MYCBP2: variants seen among roughly 807,000 people sequenced by gnomAD.
The protein encoded by MYCBP2 is MYC binding protein 2, also known as E3 ubiquitin-protein ligase MYCBP2.
A neutral mutation model predicts 525.3 loss-of-function variants in MYCBP2; 120 were observed. The ratio of observed to expected loss-of-function variants is 0.23; its 90% CI spans 0.20 to 0.27. The LOEUF (loss-of-function observed/expected upper bound fraction) is 0.27, where lower values mean the gene tolerates loss of function less well. Among genes scored for constraint, MYCBP2 ranks in the 10% least tolerant of loss-of-function variants. The pLI is 1.00. For missense variants in MYCBP2, 4,149 were observed against 5,657.1 expected (o/e 0.73, Z 8.55); for synonymous variants, 1,894 against 1,955.8 (o/e 0.97, Z 0.83).
intron 61 of MYCBP2, 184 bp from the exon 62 acceptor site, chr13:77,087,817 G>A: frequency 1.9e-6 from 1 of 536,904 alleles, no homozygotes; most frequent in Non-Finnish European, 3.2e-6. Context: ...GTCTCGCTCT[G>A]TCACCCAGGT....
intron 15 of MYCBP2, among the ~76,000 whole-genome samples, chr13:77,247,291 T>C (rs1169633724): frequency 6.6e-6 from 1 of 152,152 alleles, no homozygotes; most frequent in Non-Finnish European, 1.5e-5. Context: ...CAAAAATCAG[T>C]TGTATTTCTA....
At position 77,180,750 on chromosome 13, in the gene MYCBP2, A is replaced by G. The variant is rs114020406; in HGVS notation, c.4942-432T>C. ...GGCAACATAGTAAGACTTTGTCTCT[A>G]CAAAATGTTTTTTTAAAAAGTTAGC... is the stretch of plus-strand genomic sequence containing the variant. On this transcript the variant is annotated intron_variant, in intron 33 of 82. Coordinates refer to ENST00000544440, the MANE Select transcript of MYCBP2 (RefSeq NM_015057.5). Among the ~76,000 whole-genome samples the G allele has an allele frequency of 8.3e-3, 1,271 of 152,218 alleles. 14 individuals carry two copies. The highest frequency in any genetic ancestry group is 0.029 in the African/African-American group (1,222 of 41,522).
At chr13:77,250,315 G>C (rs2070970842) in intron 15 of MYCBP2, among the ~76,000 whole-genome samples, 2 of 151,864 alleles carry the variant, frequency 1.3e-5, no homozygotes, top group Admixed American at 6.6e-5. Context: ...TATAAACTTA[G>C]AAATAAACTC....
chr13:77,322,947 CA>C (rs2081863687), intron 1 of MYCBP2, among the ~76,000 whole-genome samples: 1 of 152,182 alleles, frequency 6.6e-6, no homozygotes, highest in South Asian at 2.1e-4. Flanking sequence ...CCACATTCTA[CA>C]CAGTCACTGA....
rs759347062 is a variant in MYCBP2, at chr13:77,161,894, T to C, written c.6597+12A>G. ...TGTACAAAGTTTATCCTTAAAACAT[T>C]TGGGACAATACCTGCAATGCAGCCT... On this transcript the variant is annotated intron_variant, in intron 44 of 82. Coordinates refer to ENST00000544440, the MANE Select transcript of MYCBP2 (RefSeq NM_015057.5). 1.8e-5 allele frequency: 29 copies of C among 1,599,310 alleles called. No homozygotes were observed. Among genetic ancestry groups the C allele is most frequent in the Non-Finnish European group, 2.4e-5 (28 of 1,170,264 alleles).
At chr13:77,166,875 A>G (rs866072912) in intron 40 of MYCBP2, among the ~76,000 whole-genome samples, 1 of 152,110 alleles carries the variant, frequency 6.6e-6, no homozygotes, top group Non-Finnish European at 1.5e-5. Context: ...TGTATATCCA[A>G]TGAATGCATA....
intron 35 of MYCBP2, among the ~76,000 whole-genome samples, chr13:77,177,337 T>A: frequency 6.9e-6 from 1 of 145,760 alleles, no homozygotes; most frequent in South Asian, 2.2e-4. Flanking sequence ...TTTCTTTCTT[T>A]TTTTTTTTTT....
chr13:77,199,894 A>T (rs1645234599), intron 26 of MYCBP2, among the ~76,000 whole-genome samples: 1 of 152,184 alleles, frequency 6.6e-6, no homozygotes. Flanking sequence ...CCATCTGTAC[A>T]TCACCATCAT....
rs753847940 is a variant in MYCBP2, at chr13:77,169,716, TAA to T, written c.5795-4_5795-3del. On this transcript the variant is annotated splice_region_variant and splice_polypyrimidine_tract_variant and intron_variant, in intron 38 of 82. Transcript: ENST00000544440. ...TCAGCAGTTCTGGAATGTCATCAGC[TAA>T]AAAAAGGCATAAAAGGCATTAAAAC... 6.2e-7 allele frequency: 1 copy of T among 1,611,954 alleles called. No homozygotes were observed. The highest frequency in any genetic ancestry group is 1.7e-5 in the Admixed American group (1 of 59,830).
rs1431080048 is a variant in MYCBP2, at chr13:77,057,104, CAAAAG to C, written c.13330-16_13330-12del. 4 of 1,584,192 alleles carry C rather than the reference CAAAAG, an allele frequency of 2.5e-6. No homozygotes were observed. Among genetic ancestry groups the C allele is most frequent in the Admixed American group, 1.7e-5 (1 of 59,792 alleles). On this transcript the variant is annotated splice_polypyrimidine_tract_variant and intron_variant, in intron 78 of 82. Coordinates refer to ENST00000544440, the MANE Select transcript of MYCBP2 (RefSeq NM_015057.5). ...GTGACTACAATCCAGCTTAAATAAA[CAAAAG>C]AAAAGGACATAAGCAAATATAATAA...
intron 17 of MYCBP2, among the ~76,000 whole-genome samples, chr13:77,240,947 C>T (rs2068725469): frequency 6.6e-6 from 1 of 152,156 alleles, no homozygotes. Flanking sequence ...AATTTATGTA[C>T]ACCAATAATC....
At chr13:77,151,228 G>A (rs1458656336) in intron 46 of MYCBP2, among the ~76,000 whole-genome samples, 2 of 152,132 alleles carry the variant, frequency 1.3e-5, no homozygotes, top group African/African-American at 2.4e-5. Context: ...CACTAATAAA[G>A]TACAGGAAAA....
intron 17 of MYCBP2, among the ~76,000 whole-genome samples, chr13:77,239,484 T>C (rs893327580): frequency 5.3e-5 from 8 of 152,174 alleles, no homozygotes; most frequent in Non-Finnish European, 7.4e-5. Context: ...TCAGATCTAT[T>C]TCCAAGACCC....
At chr13:77,046,284 G>A (rs1439260341) in intron 82 of MYCBP2, among the ~76,000 whole-genome samples, 2 of 152,274 alleles carry the variant, frequency 1.3e-5, no homozygotes, top group East Asian at 3.9e-4. Context: ...AGAAAAACAC[G>A]CTAGGCTTAT....
chr13:77,106,776 G>C (rs2047919502), intron 55 of MYCBP2, among the ~76,000 whole-genome samples: 1 of 151,646 alleles, frequency 6.6e-6, no homozygotes, highest in Non-Finnish European at 1.5e-5. Context: ...GGTTCAAGGG[G>C]GACATGTGTA....
chr13:77,166,205 TAC>T (rs1474107151), intron 41 of MYCBP2, 122 bp downstream of exon 41: 1 of 705,928 alleles, frequency 1.4e-6, no homozygotes, highest in African/African-American at 1.8e-5. Flanking sequence ...GCAATCCAGA[TAC>T]ATAGTAGGTC....
At chr13:77,069,023 C>T (rs2040660410) in intron 69 of MYCBP2, among the ~76,000 whole-genome samples, 192 bp from the exon 70 acceptor site, 2 of 152,210 alleles carry the variant, frequency 1.3e-5, no homozygotes, top group African/African-American at 4.8e-5. Context: ...CTAAGGGAGC[C>T]ACAATAAAAA....
chr13:77,217,729 TTATAA>T lies in MYCBP2; in HGVS notation c.3057+106_3057+110del, dbSNP rs564426678. ...GGCATGAAATATGCATATGTAACAATTATAATATAATTGTTATATTATATTCTGGA... is the reference window on the plus strand; with the variant it reads ...GGCATGAAATATGCATATGTAACAATTATAATTGTTATATTATATTCTGGA... On this transcript the variant is annotated intron_variant, in intron 21 of 82. Transcript: ENST00000544440. The T allele has an allele frequency of 1.6e-3, 894 of 555,894 alleles. 4 individuals are homozygous for T. The highest frequency in any genetic ancestry group is 2.0e-3 in the Middle Eastern group (4 of 1,970). 34.4% of individuals were successfully genotyped at this position (555,894 alleles called of 1,614,324 possible).
intron 17 of MYCBP2, among the ~76,000 whole-genome samples, chr13:77,235,408 A>G (rs528486593): frequency 5.9e-5 from 9 of 152,100 alleles, no homozygotes; most frequent in Non-Finnish European, 1.3e-4. Flanking sequence ...TTATAAAAGC[A>G]TAAAGATATT....
Sources: gnomAD v4.1 joint callset for allele counts (sites outside exome capture counted in the v4.1 genomes callset) on GRCh38, gnomAD v4.1.1 for gene constraint, MANE v1.5 for transcripts, NCBI Gene and HGNC (gene_info 2026-07-23, HGNC 2026-07-21) for gene names.